The following MAPK6 variants were observed in gnomAD, a reference collection of about 807,000 sequenced individuals.
MAPK6 encodes mitogen-activated protein kinase 6.
Under a neutral mutation model 59.3 loss-of-function variants are expected in MAPK6, and 19 were observed. The observed-to-expected ratio is 0.32, with a 90% CI of 0.22 to 0.47. MAPK6 has a LOEUF of 0.47. Among genes scored for constraint, MAPK6 ranks in the 20% least tolerant of loss-of-function variants. MAPK6 has a pLI of 1.00. For synonymous variants in MAPK6, 316 were observed against 290.3 expected, an observed-to-expected ratio of 1.09 and a Z score of -0.90; for missense variants, 724 against 847.9, an observed-to-expected ratio of 0.85 and a Z score of 1.81.
chr15:52,061,271 T>G, intron 4 of MAPK6, 28 bp from the exon 5 acceptor site: 1 of 1,564,700 alleles, frequency 6.4e-7, no homozygotes, highest in Non-Finnish European at 8.8e-7. Flanking sequence ...AATTCTTTTC[T>G]GAAAAACTTT....
exon 1 of MAPK6, chr15:51,971,827 T>A (rs1451178417): frequency 6.9e-7 from 1 of 1,444,014 alleles, no homozygotes; most frequent in Non-Finnish European, 9.7e-7. Flanking sequence ...AACACGACAG[T>A]GTCGCAAAGA....
Position 52,064,801 on chromosome 15 carries a change from G to C in MAPK6, c.1967G>C (p.Gly656Ala), listed in dbSNP as rs1301093848. 2.5e-6 allele frequency: 4 copies of C among 1,611,836 alleles called. No individual in the cohort carries two copies. The highest frequency in any genetic ancestry group is 3.4e-6 in the Non-Finnish European group (4 of 1,179,842). The change falls in exon 6 of 6, where the codon GGA becomes GCA. Residue 656 changes from glycine (G) to alanine (A), a missense_variant. Physicochemically the swap from Gly to Ala is moderately conservative, Grantham distance 60. Around this residue, in one of 4 missense-constraint regions of MAPK6, gnomAD observed 502 missense variants for 507.6 expected, o/e 0.99. Coordinates refer to ENST00000261845, the MANE Select transcript of MAPK6 (RefSeq NM_002748.4). Reference protein sequence around the residue: ...PVEDGKLGERGHEEGFLNNSG... With the variant: ...PVEDGKLGERAHEEGFLNNSG... ...GAGGATGGGAAGCTTGGGGAGAGAG[G>C]ACATGAGGAAGGATTTCTGAACAAC...
chr15:51,992,305 ATTTTT>A lies in MAPK6; in HGVS notation c.-770+9000_-770+9004del, dbSNP rs61396800. Among the ~76,000 whole-genome samples the A allele has an allele frequency of 5.0e-3, 507 of 101,452 alleles. 7 individuals carry two copies. The highest frequency in any genetic ancestry group is 0.018 in the African/African-American group (488 of 26,896). The allele number at this position is 101,452 out of a possible 152,430, so 66.6% of individuals were successfully genotyped here. A position where few individuals can be genotyped will look rare whatever the true frequency, so the allele number is the denominator to read the frequency against. ...TATCTATCTATCTATATATATATAT[ATTTTT>A]TTTTTTTTTGAGACAGAGTCTCGCA... On this transcript the variant is annotated intron_variant, in intron 2 of 7. Transcript: ENST00000691380.
intron 5 of MAPK6, among the ~76,000 whole-genome samples, chr15:52,063,541 AGT>A: frequency 1.3e-4 from 1 of 7,692 alleles, no homozygotes; most frequent in Non-Finnish European, 7.0e-4. Context: ...CTTACTGTAG[AGT>A]AAACATTTAG....
Position 52,052,234 on chromosome 15 carries a change from T to C in MAPK6, c.700+2097T>C, listed in dbSNP as rs554143867. Among the ~76,000 whole-genome samples the C allele has an allele frequency of 2.6e-5, 4 of 152,302 alleles. No homozygotes were observed. In the South Asian group the frequency reaches 8.3e-4, roughly 32 times the overall value. ...TCTTGACCAAGGCAGGAGGATCCAC[T>C]TCTAGATAGCTTACTTACATGACAG... is the stretch of plus-strand genomic sequence containing the variant. On this transcript the variant is annotated intron_variant, in intron 3 of 5. Coordinates refer to ENST00000261845, the MANE Select transcript of MAPK6 (RefSeq NM_002748.4).
upstream of MAPK6, among the ~76,000 whole-genome samples, chr15:52,015,056 A>G (rs1177250935): frequency 2.0e-5 from 3 of 152,146 alleles, no homozygotes; most frequent in Non-Finnish European, 2.9e-5. Context: ...GCTGGAGTGC[A>G]ATGGTGTGAT....
chr15:52,020,514 A>T (rs909431343), intron 1 of MAPK6, among the ~76,000 whole-genome samples: 1 of 152,138 alleles, frequency 6.6e-6, no homozygotes, highest in Non-Finnish European at 1.5e-5. Context: ...AACACGCCAT[A>T]CAATGAAGAG....
At chr15:52,014,703 T>TAAAAAAAAAA (rs796259080), upstream of MAPK6, among the ~76,000 whole-genome samples, 1 of 119,460 alleles carries the variant, frequency 8.4e-6, no homozygotes, top group African/African-American at 3.3e-5. Flanking sequence ...TGAGATTTTC[T>TAAAAAAAAAA]AAAAAAAAAA....
intron 1 of MAPK6, among the ~76,000 whole-genome samples, chr15:52,037,936 C>G (rs932567149): frequency 2.5e-4 from 38 of 151,936 alleles, no homozygotes; most frequent in African/African-American, 8.9e-4. Context: ...TTATCATAGA[C>G]AAAGCCACAG....
chr15:52,050,110 A>T lies in MAPK6; in HGVS notation c.673A>T (p.Met225Leu), dbSNP rs368830524. 1.7e-5 allele frequency: 28 copies of T among 1,610,984 alleles called. No individual in the cohort carries two copies. In the African/African-American group the frequency reaches 3.3e-4, roughly 19 times the overall value. ...MWAAGCIFAE[M>L]LTGKTLFAGA... ...GGCTGCAGGCTGCATCTTTGCTGAA[A>T]TGCTGACTGGTAAAACCCTTTTTGC... Residue 225 changes from methionine to leucine, a missense_variant, in exon 3 of 6, where the codon ATG becomes TTG. Met to Leu is a conservative substitution (Grantham distance 15). Around this residue, in one of 4 missense-constraint regions of MAPK6, gnomAD observed 105 missense variants for 191.9 expected, o/e 0.55. Coordinates refer to ENST00000261845, the MANE Select transcript of MAPK6 (RefSeq NM_002748.4).
At chr15:52,002,858 A>T (rs1233395692) in intron 2 of MAPK6, among the ~76,000 whole-genome samples, 1 of 152,082 alleles carries the variant, frequency 6.6e-6, no homozygotes, top group Non-Finnish European at 1.5e-5. Flanking sequence ...ACAGAGAGAG[A>T]GAGTGTATGT....
intron 2 of MAPK6, among the ~76,000 whole-genome samples, chr15:51,999,242 C>A (rs936918414): frequency 7.1e-6 from 1 of 141,716 alleles, no homozygotes; most frequent in Non-Finnish European, 1.5e-5. Context: ...AAGTGGTCCA[C>A]CTGCCCTCAG....
chr15:52,025,483 G>T (rs2030734628), intron 1 of MAPK6, among the ~76,000 whole-genome samples: 1 of 152,166 alleles, frequency 6.6e-6, no homozygotes, highest in Non-Finnish European at 1.5e-5. Context: ...TTGAGGAATT[G>T]AATTTTTTAT....
upstream of MAPK6, among the ~76,000 whole-genome samples, chr15:52,015,278 G>GGTA (rs2030202168): frequency 6.6e-6 from 1 of 151,634 alleles, no homozygotes; most frequent in Admixed American, 6.6e-5. Context: ...TGGGATTACA[G>GGTA]GTATGAGCCA....
chr15:51,998,243 A>G (rs1221507411), intron 2 of MAPK6, among the ~76,000 whole-genome samples: 1 of 151,350 alleles, frequency 6.6e-6, no homozygotes, highest in Non-Finnish European at 1.5e-5. Context: ...CACCCAGCCT[A>G]AAGTTATTTT....
intron 1 of MAPK6, among the ~76,000 whole-genome samples, chr15:52,022,434 G>A (rs996534060): frequency 3.3e-5 from 5 of 151,958 alleles, no homozygotes; most frequent in African/African-American, 9.7e-5. Flanking sequence ...CTAGTTTTTC[G>A]TATTTTTTGT....
rs569614127 is a variant in MAPK6, at chr15:52,059,901, C to T, written c.865+1104C>T. On this transcript the variant is annotated intron_variant, in intron 4 of 5. Transcript: ENST00000261845. The stretch of plus-strand genomic sequence containing the variant: ...TTTTGGGACAGAGCACATTCTGAGG[C>T]AGTGGCAACTTGGTAAAAAGAATAC... Among the ~76,000 whole-genome samples the T allele has an allele frequency of 2.4e-4, 36 of 152,288 alleles. 3 individuals are homozygous for T. The South Asian group carries it at 6.8e-3, about 29-fold the overall frequency.
intron 1 of MAPK6, among the ~76,000 whole-genome samples, chr15:52,037,058 A>G (rs1375736823): frequency 1.3e-5 from 2 of 152,188 alleles, no homozygotes; most frequent in African/African-American, 2.4e-5. Context: ...GCACTTTGGA[A>G]GACTTAGGTG....
At chr15:51,998,811 C>T (rs2057233902) in intron 2 of MAPK6, among the ~76,000 whole-genome samples, 1 of 149,082 alleles carries the variant, frequency 6.7e-6, no homozygotes, top group East Asian at 2.0e-4. Context: ...CTGCCTCAGC[C>T]GCCGGAGTAG....
Sources: allele counts gnomAD v4.1 joint callset (sites outside exome capture counted in the v4.1 genomes callset), GRCh38; gene constraint gnomAD v4.1.1; regional missense constraint gnomAD v4.1.1; transcripts MANE v1.5; gene names NCBI Gene and HGNC (gene_info 2026-07-23, HGNC 2026-07-21).